The following AKAP13 variants were observed in gnomAD, a reference collection of about 807,000 sequenced individuals.
The protein encoded by AKAP13 is A-kinase anchor protein 13.
A neutral mutation model predicts 264.5 loss-of-function variants in AKAP13; 80 were observed. That is an observed-to-expected ratio of 0.30 (90% CI 0.25 to 0.36). The LOEUF (loss-of-function observed/expected upper bound fraction) is 0.36, where lower values mean the gene tolerates loss of function less well. AKAP13 is among the 10% of genes least tolerant of loss of function. The probability of loss-of-function intolerance (pLI) is 1.00; values close to 1 mark genes in which losing one functional copy is unlikely to be tolerated. For synonymous variants in AKAP13, 1,380 were observed against 1,250.2 expected, an observed-to-expected ratio of 1.10 and a Z score of -2.19; for missense variants, 3,712 against 3,435.2, an observed-to-expected ratio of 1.08 and a Z score of -2.01.
chr15:85,578,845 T>C, intron 6 of AKAP13, 85 bp from the exon 7 acceptor site: 1 of 1,300,932 alleles, frequency 7.7e-7, no homozygotes, highest in Non-Finnish European at 1.1e-6. Context: ...AAGTGAGTTC[T>C]GTCCAACAGA....
chr15:85,429,150 A>T (rs1434468012), intron 1 of AKAP13, among the ~76,000 whole-genome samples: 1 of 152,206 alleles, frequency 6.6e-6, no homozygotes, highest in Non-Finnish European at 1.5e-5. Flanking sequence ...AGAATGGCCT[A>T]ACTACTACCA....
intron 17 of AKAP13, among the ~76,000 whole-genome samples, chr15:85,703,741 G>A (rs1384647845): frequency 6.6e-6 from 1 of 151,918 alleles, no homozygotes; most frequent in East Asian, 1.9e-4. Flanking sequence ...TACTCAGGAG[G>A]CTGAGACAGC....
In AKAP13 at chr15:85,727,617, A is replaced by G. The variant is rs921435011; in HGVS notation, c.7087+154A>G. Among the ~76,000 whole-genome samples, 7 of 152,224 alleles carry G rather than the reference A, an allele frequency of 4.6e-5. No homozygotes were observed. The highest frequency in any genetic ancestry group is 1.7e-4 in the African/African-American group (7 of 41,456). On this transcript the variant is annotated intron_variant, in intron 29 of 36. Transcript: ENST00000394518. The surrounding 1 kb of genome is among the most constrained non-coding windows in gnomAD (Gnocchi z 5.3). ...CAAAATGAATAGCTGTTAACAAAAG[A>G]GAAACCAAGGCCAGGCTGACATGGG...
Position 85,725,237 on chromosome 15 carries a change from C to T in AKAP13, c.6746-1173C>T, listed in dbSNP as rs570302835. Among the ~76,000 whole-genome samples, 4 of 152,210 alleles carry T rather than the reference C, an allele frequency of 2.6e-5. No homozygotes were observed. The East Asian group carries it at 5.8e-4, about 22-fold the overall frequency. ...AGGAGTTGGTGTTTAGTCATTTTCA[C>T]CCCCAAGTGAATTCATGCCAAGAAC... On this transcript the variant is annotated intron_variant, in intron 26 of 36. Transcript: ENST00000394518.
chr15:85,518,331 C>T (rs1031033760), intron 2 of AKAP13, among the ~76,000 whole-genome samples: 2 of 152,256 alleles, frequency 1.3e-5, no homozygotes, highest in Admixed American at 1.3e-4. Flanking sequence ...GGCTGAAATG[C>T]AGTTTGTTAT....
At chr15:85,474,464 T>G (rs1363937141) in intron 1 of AKAP13, among the ~76,000 whole-genome samples, 1 of 152,240 alleles carries the variant, frequency 6.6e-6, no homozygotes, top group Admixed American at 6.5e-5. Flanking sequence ...TTCAGAAATA[T>G]CCTTGCTTGG....
intron 1 of AKAP13, among the ~76,000 whole-genome samples, chr15:85,470,304 A>G (rs1164648593): frequency 6.6e-6 from 1 of 152,084 alleles, no homozygotes; most frequent in Non-Finnish European, 1.5e-5. Flanking sequence ...AACCAAACCA[A>G]ACCAAACCAA....
Position 85,743,551 on chromosome 15 carries a change from G to C in AKAP13, c.8118G>C (p.Glu2706Asp), listed in dbSNP as rs756068422. ...RIPSFFPSPE[E>D]PPSPSAPSIA... ...CATCGTTCTTCCCCAGTCCTGAGGA[G>C]CCCCCCTCGCCATCTGCACCTTCCA... The change falls in exon 36 of 37, where the codon GAG becomes GAC. Residue 2706 changes from glutamate to aspartate, a missense_variant. By Grantham distance (45) the Glu-to-Asp change is conservative (BLOSUM62 2). Coordinates refer to ENST00000394518, the MANE Select transcript of AKAP13 (RefSeq NM_007200.5). The C allele has an allele frequency of 3.2e-5, 51 of 1,614,032 alleles. No homozygotes were observed. The highest frequency in any genetic ancestry group is 5.0e-5 in the Admixed American group (3 of 60,000).
intron 17 of AKAP13, among the ~76,000 whole-genome samples, chr15:85,707,084 G>A (rs1364049994): frequency 2.6e-5 from 4 of 152,212 alleles, no homozygotes; most frequent in Non-Finnish European, 5.9e-5. Context: ...ATTGCCTAGT[G>A]AATGGTATCT....
At chr15:85,617,654 T>C (rs944126030) in intron 8 of AKAP13, among the ~76,000 whole-genome samples, 1 of 152,280 alleles carries the variant, frequency 6.6e-6, no homozygotes, top group Admixed American at 6.5e-5. Flanking sequence ...GGAGTGGCAG[T>C]GAGGAACAAA....
intron 8 of AKAP13, chr15:85,620,235 G>A (rs1484091418): frequency 4.1e-6 from 6 of 1,469,012 alleles, no homozygotes; most frequent in East Asian, 4.9e-5. Flanking sequence ...CTTTGAACCC[G>A]GTAGCCATGT....
rs2087484570 is a variant in AKAP13 at position 85,724,517 on chromosome 15, C to CACAGAGAGCAGA, written c.6745+1197_6745+1198insACAGAGAGCAGA. Among the ~76,000 whole-genome samples the CACAGAGAGCAGA allele has an allele frequency of 6.6e-6, 1 of 151,480 alleles. No individual in the cohort carries two copies. Among genetic ancestry groups the CACAGAGAGCAGA allele is most frequent in the Non-Finnish European group, 1.5e-5 (1 of 67,912 alleles). ...GAAGAGTGGACACCCGGGACTCTCACGTGAGAGAGCAGAGTGAATGACAGG... is the reference window on the plus strand; with the variant it reads ...GAAGAGTGGACACCCGGGACTCTCACACAGAGAGCAGAGTGAGAGAGCAGAGTGAATGACAGG... On this transcript the variant is annotated intron_variant, in intron 26 of 36. Coordinates refer to ENST00000394518, the MANE Select transcript of AKAP13 (RefSeq NM_007200.5). This position sits in a 1 kb window ranked among gnomAD's most constrained non-coding sequence, Gnocchi z 4.2.
chr15:85,450,915 A>G (rs886509826), intron 1 of AKAP13, among the ~76,000 whole-genome samples: 1 of 151,996 alleles, frequency 6.6e-6, no homozygotes, highest in Non-Finnish European at 1.5e-5. Flanking sequence ...ATCTTTGTTT[A>G]TTTTCTGGCT....
In AKAP13 at chr15:85,639,407, T is replaced by C. The variant is rs1213085016; in HGVS notation, c.4195T>C (p.Cys1399Arg). 8 of 1,612,926 alleles carry C rather than the reference T, an allele frequency of 5.0e-6. No homozygotes were observed. In the Admixed American group the frequency reaches 1.2e-4, roughly 24 times the overall value. ...NRENWCTIEP[C>R]PDAASLLASK... ...AGAAAACTGGTGTACAATAGAGCCATGCCCTGATGCAGCATCTCTTCTGGC... is the reference window on the plus strand; with the variant it reads ...AGAAAACTGGTGTACAATAGAGCCACGCCCTGATGCAGCATCTCTTCTGGC... Residue 1399 changes from cysteine to arginine, a missense_variant, in exon 9 of 37, where the codon TGC becomes CGC. By Grantham distance (180) the Cys-to-Arg change is radical (BLOSUM62 -3). Transcript: ENST00000394518.
chr15:85,701,390 C>T (rs542836343), intron 17 of AKAP13, among the ~76,000 whole-genome samples: 32 of 152,130 alleles, frequency 2.1e-4, no homozygotes, highest in Admixed American at 3.9e-4. Context: ...CTTAGTTCTA[C>T]CTGCTCAGCA....
chr15:85,693,115 A>C (rs1418625383), intron 16 of AKAP13, 162 bp from the exon 17 acceptor site: 1 of 1,291,748 alleles, frequency 7.7e-7, no homozygotes, highest in Non-Finnish European at 1.0e-6. Flanking sequence ...CAACGCCTTA[A>C]TTTAAAAAAA....
Position 85,579,240 on chromosome 15 carries a change from C to T in AKAP13, c.1172C>T (p.Ser391Phe), listed in dbSNP as rs1164968314. 1 of 1,614,100 alleles carries T rather than the reference C, an allele frequency of 6.2e-7. No homozygotes were observed. The highest frequency in any genetic ancestry group is 8.5e-7 in the Non-Finnish European group (1 of 1,180,042). ...EEVEPAPIVDSGTVSDQDSCL... is the reference protein window; with the variant it reads ...EEVEPAPIVDFGTVSDQDSCL... ...GTGGAGCCAGCACCTATTGTGGACT[C>T]TGGAACTGTATCTGATCAAGACAGC... The change falls in exon 7 of 37, where the codon TCT becomes TTT. Residue 391 changes from serine to phenylalanine, a missense_variant. Ser to Phe is a radical substitution (Grantham distance 155). Around this residue, in one of 3 missense-constraint regions of AKAP13, gnomAD observed 2,759 missense variants for 2,411.7 expected, o/e 1.14. Coordinates refer to ENST00000394518, the MANE Select transcript of AKAP13 (RefSeq NM_007200.5).
At chr15:85,495,211 G>T (rs961255359) in intron 2 of AKAP13, among the ~76,000 whole-genome samples, 6 of 152,130 alleles carry the variant, frequency 3.9e-5, no homozygotes, top group Non-Finnish European at 8.8e-5. Flanking sequence ...GAACAGTAAG[G>T]CTTTCTCTTG....
rs530314090 is a variant in AKAP13, at chr15:85,540,211, T to A, written c.479-3561T>A. On this transcript the variant is annotated intron_variant, in intron 4 of 36. Transcript: ENST00000394518. ...ATATCACGTGAGGAAGGGAAGATCG[T>A]GGGCAGGATGGAGCTCCACAGGCAC... Among the ~76,000 whole-genome samples, 45 of 152,196 alleles carry A rather than the reference T, an allele frequency of 3.0e-4. 1 individual carries two copies. Among genetic ancestry groups the A allele is most frequent in the African/African-American group, 1.1e-3 (44 of 41,530 alleles).
Sources: gnomAD v4.1 joint callset for allele counts (sites outside exome capture counted in the v4.1 genomes callset) on GRCh38, gnomAD v4.1.1 for gene constraint, gnomAD v4.1.1 regional missense constraint, Gnocchi (gnomAD v3.1) non-coding constraint, MANE v1.5 for transcripts, NCBI Gene and HGNC (gene_info 2026-07-23, HGNC 2026-07-21) for gene names.